GFRA1: variants seen among roughly 807,000 people sequenced by gnomAD.
GFRA1 encodes the protein GDNF family receptor alpha 1.
Under a neutral mutation model 51.6 loss-of-function variants are expected in GFRA1, and 16 were observed. That is an observed-to-expected ratio of 0.31 (90% CI 0.21 to 0.47). The LOEUF is 0.47. Among genes scored for constraint, GFRA1 ranks in the 20% least tolerant of loss-of-function variants. GFRA1 has a pLI of 1.00. For missense variants in GFRA1, 530 were observed against 594.3 expected, an observed-to-expected ratio of 0.89 and a Z score of 1.13; for synonymous variants, 270 against 241.3, an observed-to-expected ratio of 1.12 and a Z score of -1.10.
intron 4 of GFRA1, among the ~76,000 whole-genome samples, chr10:116,230,166 G>C (rs1293241603): frequency 6.6e-6 from 1 of 152,218 alleles, no homozygotes; most frequent in African/African-American, 2.4e-5. Context: ...CAGGGTATCT[G>C]AGGACTTGGA....
chr10:116,168,298 T>A (rs1457178149), intron 5 of GFRA1, among the ~76,000 whole-genome samples: 1 of 152,166 alleles, frequency 6.6e-6, no homozygotes, highest in African/African-American at 2.4e-5. Flanking sequence ...TTCCTGGGGT[T>A]TGCCTTCTGA....
intron 9 of GFRA1, among the ~76,000 whole-genome samples, chr10:116,067,378 C>T (rs1205878808): frequency 6.6e-6 from 1 of 152,180 alleles, no homozygotes; most frequent in African/African-American, 2.4e-5. Context: ...CTTTGCATAA[C>T]TAACAAATTT....
Position 116,272,345 on chromosome 10 carries a change from C to T in GFRA1, c.-246-70G>A. 2.1e-6 allele frequency: 1 copy of T among 486,630 alleles called. No homozygotes were observed. Among genetic ancestry groups the T allele is most frequent in the Non-Finnish European group, 3.7e-6 (1 of 267,596 alleles). 30.1% of individuals were successfully genotyped at this position (486,630 alleles called of 1,614,324 possible). A position where few individuals can be genotyped will look rare whatever the true frequency, so the allele number is the denominator to read the frequency against. ...AGACTCCCCCCACAGAACCCTCTCC[C>T]CTCCCCCGTTCCCGCCTTTGGGGAA... On this transcript the variant is annotated intron_variant, in intron 1 of 10. Coordinates refer to ENST00000355422, the MANE Select transcript of GFRA1 (RefSeq NM_005264.8). The surrounding 1 kb of genome is among the most constrained non-coding windows in gnomAD (Gnocchi z 4.4).
chr10:116,224,608 GTGGTT>G (rs1966151470), intron 4 of GFRA1, among the ~76,000 whole-genome samples: 2 of 152,196 alleles, frequency 1.3e-5, no homozygotes, highest in Non-Finnish European at 2.9e-5. Context: ...CACGTATTGT[GTGGTT>G]CTATTTATAT....
chr10:116,086,650 G>C lies in GFRA1; in HGVS notation c.1197+3091C>G, dbSNP rs77501207. Among the ~76,000 whole-genome samples the C allele has an allele frequency of 4.2e-3, 633 of 152,208 alleles. 5 individuals are homozygous for C. The highest frequency in any genetic ancestry group is 0.014 in the African/African-American group (598 of 41,522). On this transcript the variant is annotated intron_variant, in intron 9 of 10. Transcript: ENST00000355422. ...TCCATGGAACCCTAAGGGCTCCCTGGGAGTCAAATGCTGTTTAGCTCCAGG... is the reference window on the plus strand; with the variant it reads ...TCCATGGAACCCTAAGGGCTCCCTGCGAGTCAAATGCTGTTTAGCTCCAGG...
intron 5 of GFRA1, among the ~76,000 whole-genome samples, chr10:116,166,197 T>A (rs7101266): frequency 0.99 from 150,703 of 152,326 alleles, 74,565 homozygotes; most frequent in East Asian, 1. Context: ...CCAGTCTATC[T>A]TTGACAGGCA....
chr10:116,213,239 C>A (rs1965334080), intron 4 of GFRA1, among the ~76,000 whole-genome samples: 1 of 152,170 alleles, frequency 6.6e-6, no homozygotes, highest in African/African-American at 2.4e-5. Flanking sequence ...TTTATACTGG[C>A]AAAACACTGG....
intron 4 of GFRA1, among the ~76,000 whole-genome samples, chr10:116,220,724 G>A (rs1296246214): frequency 2.6e-5 from 4 of 152,132 alleles, no homozygotes; most frequent in African/African-American, 4.8e-5. Flanking sequence ...AGTTTTAGGA[G>A]GTACAGGTTC....
At chr10:116,115,667 T>C (rs1201656519) in intron 6 of GFRA1, among the ~76,000 whole-genome samples, 1 of 152,074 alleles carries the variant, frequency 6.6e-6, no homozygotes. Context: ...TCCCCATTCT[T>C]TTGCACCCCA....
chr10:116,234,257 C>G (rs968027552), intron 4 of GFRA1, among the ~76,000 whole-genome samples: 1 of 152,164 alleles, frequency 6.6e-6, no homozygotes, highest in African/African-American at 2.4e-5. Context: ...CTATTCAATT[C>G]TCATCTGGCT....
At chr10:116,172,503 G>A (rs1961129587) in intron 5 of GFRA1, among the ~76,000 whole-genome samples, 1 of 152,156 alleles carries the variant, frequency 6.6e-6, no homozygotes, top group African/African-American at 2.4e-5. Flanking sequence ...GATTCAGTGG[G>A]AATAGGGGAT....
chr10:116,189,496 G>A (rs1215990932), intron 5 of GFRA1, among the ~76,000 whole-genome samples: 6 of 151,882 alleles, frequency 4.0e-5, no homozygotes, highest in Non-Finnish European at 7.4e-5. Flanking sequence ...CTCCAGCTAC[G>A]CTCCAAACAC....
intron 5 of GFRA1, among the ~76,000 whole-genome samples, chr10:116,183,071 T>G (rs1962386138): frequency 6.6e-6 from 1 of 152,240 alleles, no homozygotes; most frequent in Non-Finnish European, 1.5e-5. Context: ...CCTTGATGTT[T>G]CCCAAGTCTT....
At chr10:116,089,601 T>C (rs2133872074) in intron 9 of GFRA1, 140 bp downstream of exon 9, 4 of 785,964 alleles carry the variant, frequency 5.1e-6, no homozygotes, top group East Asian at 4.9e-5. Context: ...ACTGGTTGTG[T>C]TTAAAATGCA....
At chr10:116,077,750 T>C (rs1307004324) in intron 9 of GFRA1, among the ~76,000 whole-genome samples, 3 of 152,190 alleles carry the variant, frequency 2.0e-5, no homozygotes, top group Non-Finnish European at 4.4e-5. Context: ...AAGCTGGCAA[T>C]ATGATAACAG....
At chr10:116,159,447 T>C (rs1186045664) in intron 5 of GFRA1, among the ~76,000 whole-genome samples, 5 of 152,224 alleles carry the variant, frequency 3.3e-5, no homozygotes, top group Non-Finnish European at 7.3e-5. Context: ...GGCCACACTA[T>C]GCAGTCTGCT....
At chr10:116,257,481 C>T (rs1015577326) in intron 4 of GFRA1, among the ~76,000 whole-genome samples, 1 of 152,148 alleles carries the variant, frequency 6.6e-6, no homozygotes, top group Non-Finnish European at 1.5e-5. Context: ...GGAGCTTGAA[C>T]TTGACCCACA....
At chr10:116,207,357 GT>G (rs1964860380) in intron 5 of GFRA1, among the ~76,000 whole-genome samples, 1 of 152,116 alleles carries the variant, frequency 6.6e-6, no homozygotes, top group South Asian at 2.1e-4. Context: ...GCTTAACATT[GT>G]AAGGTCTGGC....
intron 5 of GFRA1, among the ~76,000 whole-genome samples, chr10:116,165,585 T>G (rs971161867): frequency 5.3e-5 from 8 of 152,064 alleles, no homozygotes; most frequent in African/African-American, 1.9e-4. Context: ...GCCCTCACTG[T>G]GTACTTATGA....
Sources: allele counts gnomAD v4.1 joint callset (sites outside exome capture counted in the v4.1 genomes callset), GRCh38; gene constraint gnomAD v4.1.1; non-coding constraint Gnocchi (gnomAD v3.1); transcripts MANE v1.5; gene names NCBI Gene and HGNC (gene_info 2026-07-23, HGNC 2026-07-21).